The following ESR1 variants were observed in gnomAD, a reference collection of about 807,000 sequenced individuals.
ESR1 encodes estrogen receptor.
A neutral mutation model predicts 52.7 loss-of-function variants in ESR1; 12 were observed. That is an observed-to-expected ratio of 0.23 (90% CI 0.15 to 0.37). ESR1 has a LOEUF of 0.37. ESR1 is among the 10% of genes least tolerant of loss of function. The probability of loss-of-function intolerance (pLI) is 1.00; values close to 1 mark genes in which losing one functional copy is unlikely to be tolerated. For missense variants in ESR1, 584 were observed against 779.7 expected (o/e 0.75, Z 2.99); for synonymous variants, 305 against 316.8 (o/e 0.96, Z 0.39).
intron 6 of ESR1, among the ~76,000 whole-genome samples, chr6:152,071,951 T>C (rs1368946452): frequency 1.3e-5 from 2 of 152,226 alleles, no homozygotes; most frequent in Non-Finnish European, 2.9e-5. Context: ...TTCATACATA[T>C]TGCCTACTGC....
intron 6 of ESR1, among the ~76,000 whole-genome samples, chr6:152,114,008 C>G (rs989052069): frequency 6.6e-6 from 1 of 152,138 alleles, no homozygotes; most frequent in South Asian, 2.1e-4. Flanking sequence ...TTATAAATGT[C>G]CAGATCATTA....
intron 3 of ESR1, among the ~76,000 whole-genome samples, chr6:151,890,512 G>A (rs1234838538): frequency 1.3e-5 from 2 of 152,210 alleles, no homozygotes; most frequent in African/African-American, 4.8e-5. Context: ...CTGTGCTAAA[G>A]TATAGTTTAA....
chr6:151,841,442 T>C (rs568614121), intron 1 of ESR1, among the ~76,000 whole-genome samples: 1 of 152,326 alleles, frequency 6.6e-6, no homozygotes, highest in African/African-American at 2.4e-5. Context: ...CAGTCTTTGC[T>C]TTGTTGGACT....
chr6:152,111,805 GT>G (rs1440742623), intron 6 of ESR1, among the ~76,000 whole-genome samples: 8 of 152,292 alleles, frequency 5.3e-5, no homozygotes, highest in Middle Eastern at 3.4e-3. Flanking sequence ...GCGCAGACCA[GT>G]TTTGGGGCTC....
At chr6:152,011,916 CA>C in intron 5 of ESR1, 122 bp downstream of exon 5, 1 of 1,050,004 alleles carries the variant, frequency 9.5e-7, no homozygotes, top group East Asian at 2.6e-5. Flanking sequence ...GTTTACTTAA[CA>C]AAAGAGTGCA....
intron 1 of ESR1, among the ~76,000 whole-genome samples, chr6:151,824,909 A>G (rs1299526679): frequency 1.3e-5 from 2 of 149,050 alleles, no homozygotes; most frequent in East Asian, 2.0e-4. Flanking sequence ...CAACAGAGCG[A>G]GACTCCATCT....
intron 3 of ESR1, among the ~76,000 whole-genome samples, chr6:151,935,954 C>T (rs1357642027): frequency 1.3e-5 from 2 of 152,142 alleles, no homozygotes; most frequent in African/African-American, 2.4e-5. Flanking sequence ...CAATCTGTGC[C>T]CTTTTTCATT....
chr6:152,102,004 A>G lies in ESR1; in HGVS notation c.*3038A>G, dbSNP rs2050978720. The G allele has an allele frequency of 4.7e-6, 1 of 214,966 alleles. No homozygotes were observed. Among genetic ancestry groups the G allele is most frequent in the Non-Finnish European group, 9.4e-6 (1 of 106,350 alleles). The allele number at this position is 214,966 out of a possible 1,614,324, so 13.3% of individuals were successfully genotyped here. A position where few individuals can be genotyped will look rare whatever the true frequency, so the allele number is the denominator to read the frequency against. On this transcript the variant is annotated 3_prime_UTR_variant, in exon 8 of 8. Transcript: ENST00000206249. Reference sequence around the variant, plus strand: ...TTTTCGCCATTGCCTAGCTTGCCGTAATGATTCTATAATGCCATCATGCAG... The same window carrying G: ...TTTTCGCCATTGCCTAGCTTGCCGTGATGATTCTATAATGCCATCATGCAG...
At chr6:151,728,188 C>T (rs911852553) in intron 2 of ESR1, among the ~76,000 whole-genome samples, 1 of 152,122 alleles carries the variant, frequency 6.6e-6, no homozygotes, top group Non-Finnish European at 1.5e-5. Flanking sequence ...CTCTGAGTAT[C>T]CTTCTCTATA....
At chr6:152,097,147 TTC>T (rs149519536) in intron 7 of ESR1, among the ~76,000 whole-genome samples, 48 of 149,628 alleles carry the variant, frequency 3.2e-4, no homozygotes, top group Non-Finnish European at 3.0e-4. Flanking sequence ...CTCTCTCTCT[TTC>T]TCTCTCTCTC....
intron 5 of ESR1, among the ~76,000 whole-genome samples, chr6:152,035,033 A>T (rs1216089906): frequency 6.6e-6 from 1 of 152,246 alleles, no homozygotes; most frequent in African/African-American, 2.4e-5. Context: ...GTCATGAGAT[A>T]GAAAGCCTGT....
At chr6:151,971,660 G>A (rs1388948275) in intron 4 of ESR1, among the ~76,000 whole-genome samples, 1 of 152,126 alleles carries the variant, frequency 6.6e-6, no homozygotes, top group Admixed American at 6.6e-5. Flanking sequence ...CAAAAGCAGT[G>A]TCAAGAGGAA....
At chr6:151,853,498 G>T (rs923315375) in intron 2 of ESR1, among the ~76,000 whole-genome samples, 1 of 152,162 alleles carries the variant, frequency 6.6e-6, no homozygotes, top group African/African-American at 2.4e-5. Context: ...TGAAATGACA[G>T]TAGTTCTTCT....
intron 4 of ESR1, among the ~76,000 whole-genome samples, chr6:151,985,127 C>T (rs1038260070): frequency 2.2e-4 from 33 of 152,080 alleles, no homozygotes; most frequent in African/African-American, 7.3e-4. Context: ...GTGCTCCTTC[C>T]TGCAACTGGA....
At chr6:151,964,002 G>A (rs1038657359) in intron 4 of ESR1, among the ~76,000 whole-genome samples, 1 of 152,038 alleles carries the variant, frequency 6.6e-6, no homozygotes, top group East Asian at 1.9e-4. Context: ...TTATTTCTGG[G>A]CCTTCTAATC....
chr6:151,791,265 G>A (rs1446334916), intron 2 of ESR1, among the ~76,000 whole-genome samples: 3 of 152,112 alleles, frequency 2.0e-5, no homozygotes, highest in African/African-American at 4.8e-5. Flanking sequence ...GGATCCAGTC[G>A]GAGGTAATTG....
chr6:152,005,758 G>A (rs931120988), intron 4 of ESR1, among the ~76,000 whole-genome samples: 8 of 152,020 alleles, frequency 5.3e-5, no homozygotes, highest in African/African-American at 1.9e-4. Context: ...TGAAAGTCAG[G>A]TCTTCTTGAC....
intron 4 of ESR1, among the ~76,000 whole-genome samples, chr6:151,993,586 C>T (rs938728310): frequency 2.0e-5 from 3 of 152,196 alleles, no homozygotes; most frequent in Non-Finnish European, 2.9e-5. Flanking sequence ...TTGCAGATCC[C>T]GCTCTTCTCA....
At chr6:151,968,617 C>T (rs1292554199) in intron 4 of ESR1, among the ~76,000 whole-genome samples, 16 of 151,994 alleles carry the variant, frequency 1.1e-4, no homozygotes, top group Admixed American at 7.9e-4. Flanking sequence ...TTCTTTCTCT[C>T]GATTTTCCAG....
Sources: allele counts gnomAD v4.1 joint callset (sites outside exome capture counted in the v4.1 genomes callset), GRCh38; gene constraint gnomAD v4.1.1; transcripts MANE v1.5; gene names NCBI Gene and HGNC (gene_info 2026-07-23, HGNC 2026-07-21).